Variants in ASB18 observed in about 807,000 individuals in gnomAD.
The protein encoded by ASB18 is ankyrin repeat and SOCS box protein 18.
Under a neutral mutation model 33.4 loss-of-function variants are expected in ASB18, and 33 were observed. The ratio of observed to expected loss-of-function variants is 0.99; its 90% confidence interval spans 0.75 to 1.32. ASB18 has a LOEUF of 1.32. Ranked by LOEUF, ASB18 falls within the 40% of genes most tolerant of loss-of-function variation. The pLI is 0.00. For synonymous variants in ASB18, 295 were observed against 307.6 expected, an observed-to-expected ratio of 0.96 and a Z score of 0.43; for missense variants, 694 against 655.5, an observed-to-expected ratio of 1.06 and a Z score of -0.64.
rs1305776129 is a variant in ASB18, at chr2:236,223,986, A to G, written c.597-9120T>C. On this transcript the variant is annotated intron_variant, in intron 3 of 5. Coordinates refer to ENST00000409749, the MANE Select transcript of ASB18 (RefSeq NM_212556.4). This position sits in a 1 kb window ranked among gnomAD's most constrained non-coding sequence, Gnocchi z 4.6. ...ACTATTATAAATAAAGCTTCTATGA[A>G]CGTTTTTGTATAAGTCTTCCTGGGG... Among the ~76,000 whole-genome samples, 1 of 152,124 alleles carries G rather than the reference A, an allele frequency of 6.6e-6. No individual in the cohort carries two copies. Among genetic ancestry groups the G allele is most frequent in the Non-Finnish European group, 1.5e-5 (1 of 68,020 alleles).
Position 236,259,674 on chromosome 2 carries a change from C to T in ASB18, c.205+4467G>A. 2 of 448,290 alleles carry T rather than the reference C, an allele frequency of 4.5e-6. No individual in the cohort carries two copies. Among genetic ancestry groups the T allele is most frequent in the Non-Finnish European group, 9.4e-6 (2 of 213,472 alleles). 27.8% of individuals were successfully genotyped at this position (448,290 alleles called of 1,614,324 possible). On this transcript the variant is annotated intron_variant, in intron 1 of 5. Transcript: ENST00000409749. This position sits in a 1 kb window ranked among gnomAD's most constrained non-coding sequence, Gnocchi z 4.4. ...GATGCTGACTGTAGAGCGTGGGGGGCTCAGCCTCAGTGAGCCCAGCAGGAT... is the reference window on the plus strand; with the variant it reads ...GATGCTGACTGTAGAGCGTGGGGGGTTCAGCCTCAGTGAGCCCAGCAGGAT...
intron 1 of ASB18, among the ~76,000 whole-genome samples, chr2:236,242,363 G>A (rs1402903261): frequency 6.6e-6 from 1 of 152,186 alleles, no homozygotes; most frequent in Non-Finnish European, 1.5e-5. Context: ...GGCGGTGCCA[G>A]GTAGCAGGAC....
rs1318984772 is a variant in ASB18, at chr2:236,248,409, A to G, written c.206-7007T>C. On this transcript the variant is annotated intron_variant, in intron 1 of 5. Coordinates refer to ENST00000409749, the MANE Select transcript of ASB18 (RefSeq NM_212556.4). This position sits in a 1 kb window ranked among gnomAD's most constrained non-coding sequence, Gnocchi z 4.9. ...GGAGTTTGAGATCAGCCTGGCCAAC[A>G]TAGTGAAACCCTGTCTCTACTAAAA... 2.0e-5 allele frequency: 3 copies of G among 152,158 alleles called. No individual in the cohort carries two copies. Among genetic ancestry groups the G allele is most frequent in the Non-Finnish European group, 4.4e-5 (3 of 68,082 alleles). The allele number at this position is 152,158 out of a possible 1,614,324, so 9.4% of individuals were successfully genotyped here. A position where few individuals can be genotyped will look rare whatever the true frequency, so the allele number is the denominator to read the frequency against.
In ASB18 at chr2:236,237,987, G is replaced by A. The variant is rs765329123; in HGVS notation, c.329-31C>T. On this transcript the variant is annotated intron_variant, in intron 2 of 5. Coordinates refer to ENST00000409749, the MANE Select transcript of ASB18 (RefSeq NM_212556.4). The surrounding 1 kb of genome is among the most constrained non-coding windows in gnomAD (Gnocchi z 6.2). ...GGGAGGGAGGTGGGATGTAAGGTCAGGGGGAGGTTAGTTGTGGTGGTGGTG... is the reference window on the plus strand; with the variant it reads ...GGGAGGGAGGTGGGATGTAAGGTCAAGGGGAGGTTAGTTGTGGTGGTGGTG... 3 of 1,452,818 alleles carry A rather than the reference G, an allele frequency of 2.1e-6. No homozygotes were observed. Among genetic ancestry groups the A allele is most frequent in the Non-Finnish European group, 2.7e-6 (3 of 1,111,362 alleles). 90.0% of individuals were successfully genotyped at this position (1,452,818 alleles called of 1,614,324 possible). A position where few individuals can be genotyped will look rare whatever the true frequency, so the allele number is the denominator to read the frequency against.
Position 236,204,001 on chromosome 2 carries a change from G to A in ASB18, c.1102-7616C>T, listed in dbSNP as rs1445414211. ...GAAGAAGATGTGTCCATCTAGGGGA[G>A]AGATGGTGGTGGCCTCACCTCAGGT... On this transcript the variant is annotated intron_variant, in intron 4 of 5. Coordinates refer to ENST00000409749, the MANE Select transcript of ASB18 (RefSeq NM_212556.4). The surrounding 1 kb of genome is among the most constrained non-coding windows in gnomAD (Gnocchi z 5.1). Among the ~76,000 whole-genome samples the A allele has an allele frequency of 6.6e-6, 1 of 152,234 alleles. No individual in the cohort carries two copies. The highest frequency in any genetic ancestry group is 1.5e-5 in the Non-Finnish European group (1 of 68,040).
chr2:236,201,048 T>C (rs1174688293), intron 4 of ASB18, among the ~76,000 whole-genome samples: 1 of 152,196 alleles, frequency 6.6e-6, no homozygotes, highest in Non-Finnish European at 1.5e-5. Context: ...TTCAAAATGG[T>C]ATAAATTTCC....
At chr2:236,218,797 C>CAAAA (rs574423455) in intron 3 of ASB18, among the ~76,000 whole-genome samples, 3 of 91,574 alleles carry the variant, frequency 3.3e-5, no homozygotes, top group Non-Finnish European at 4.8e-5. Context: ...GACTCCATCT[C>CAAAA]AAAAAAAAAA....
chr2:236,262,471 C>T lies in ASB18; in HGVS notation c.205+1670G>A, dbSNP rs185219267. On this transcript the variant is annotated intron_variant, in intron 1 of 5. Coordinates refer to ENST00000409749, the MANE Select transcript of ASB18 (RefSeq NM_212556.4). The surrounding 1 kb of genome is among the most constrained non-coding windows in gnomAD (Gnocchi z 5.2). ...AGAAGGAGGCTGCTAAACCCAGCAG[C>T]GATCTGGCAGGGAGGGCCGGGGAAG... is the stretch of plus-strand genomic sequence containing the variant. Among the ~76,000 whole-genome samples the T allele has an allele frequency of 3.9e-5, 6 of 152,188 alleles. No individual in the cohort carries two copies. Among genetic ancestry groups the T allele is most frequent in the African/African-American group, 9.6e-5 (4 of 41,458 alleles).
chr2:236,218,811 A>G (rs1042630723), intron 3 of ASB18, among the ~76,000 whole-genome samples: 236 of 151,438 alleles, frequency 1.6e-3, no homozygotes, highest in Admixed American at 4.9e-3. Context: ...AAAAAAAAAA[A>G]AAAAAGAAAA....
chr2:236,256,999 G>T lies in ASB18; in HGVS notation c.205+7142C>A, dbSNP rs922729931. On this transcript the variant is annotated intron_variant, in intron 1 of 5. Transcript: ENST00000409749. This position sits in a 1 kb window ranked among gnomAD's most constrained non-coding sequence, Gnocchi z 4.7. ...AGAGGGCTGCTGCAGCAGCCATTTT[G>T]TTCCTAAATAATTCAACTATATTCA... is the stretch of plus-strand genomic sequence containing the variant. 6.6e-6 allele frequency among the ~76,000 whole-genome samples: 1 copy of T among 152,292 alleles called. No individual in the cohort carries two copies. The highest frequency in any genetic ancestry group is 2.4e-5 in the African/African-American group (1 of 41,566).
intron 3 of ASB18, among the ~76,000 whole-genome samples, chr2:236,232,575 C>G (rs1188557406): frequency 6.6e-6 from 1 of 151,902 alleles, no homozygotes; most frequent in East Asian, 1.9e-4. Flanking sequence ...GAAAAGAAGA[C>G]AAATTCTAGT....
intron 1 of ASB18, chr2:236,254,024 C>T (rs1051339854): frequency 6.6e-6 from 1 of 151,994 alleles, no homozygotes; most frequent in African/African-American, 2.4e-5. Context: ...CAGGAGTCAC[C>T]AAACTTTTTC....
chr2:236,206,415 G>A (rs950008653), intron 4 of ASB18, among the ~76,000 whole-genome samples: 2 of 152,064 alleles, frequency 1.3e-5, no homozygotes, highest in East Asian at 1.9e-4. Context: ...ACAAGGAAAC[G>A]GGCCCATTGT....
rs2060725945 is a variant in ASB18 at position 236,262,875 on chromosome 2, C to T, written c.205+1266G>A. Among the ~76,000 whole-genome samples, 1 of 56,618 alleles carries T rather than the reference C, an allele frequency of 1.8e-5. No individual in the cohort carries two copies. Among genetic ancestry groups the T allele is most frequent in the African/African-American group, 6.5e-5 (1 of 15,276 alleles). 37.1% of individuals were successfully genotyped at this position (56,618 alleles called of 152,430 possible). Reference sequence around the variant, plus strand: ...CTGAAAGGCAGCCCAGAAAGTAGACCCAAACCAAGGGGGGGGGGCGGACCC... The same window carrying T: ...CTGAAAGGCAGCCCAGAAAGTAGACTCAAACCAAGGGGGGGGGGCGGACCC... On this transcript the variant is annotated intron_variant, in intron 1 of 5. Coordinates refer to ENST00000409749, the MANE Select transcript of ASB18 (RefSeq NM_212556.4). This position sits in a 1 kb window ranked among gnomAD's most constrained non-coding sequence, Gnocchi z 5.2.
chr2:236,257,151 C>T lies in ASB18; in HGVS notation c.205+6990G>A, dbSNP rs1322483895. Among the ~76,000 whole-genome samples, 1 of 152,138 alleles carries T rather than the reference C, an allele frequency of 6.6e-6. No homozygotes were observed. Among genetic ancestry groups the T allele is most frequent in the Non-Finnish European group, 1.5e-5 (1 of 68,034 alleles). On this transcript the variant is annotated intron_variant, in intron 1 of 5. Coordinates refer to ENST00000409749, the MANE Select transcript of ASB18 (RefSeq NM_212556.4). The surrounding 1 kb of genome is among the most constrained non-coding windows in gnomAD (Gnocchi z 5.5). ...ACTTTAGCAAGAATTTTGCAATCAG[C>T]GTTAATTAAGAAGATGGGACAATAA...
rs2060373094 is a variant in ASB18, at chr2:236,196,260, C to G, written c.1215+12G>C. 1 of 1,453,410 alleles carries G rather than the reference C, an allele frequency of 6.9e-7. No homozygotes were observed. The highest frequency in any genetic ancestry group is 1.4e-5 in the African/African-American group (1 of 70,940). The allele number at this position is 1,453,410 out of a possible 1,614,324, so 90.0% of individuals were successfully genotyped here. A position where few individuals can be genotyped will look rare whatever the true frequency, so the allele number is the denominator to read the frequency against. On this transcript the variant is annotated intron_variant, in intron 5 of 5. Coordinates refer to ENST00000409749, the MANE Select transcript of ASB18 (RefSeq NM_212556.4). This position sits in a 1 kb window ranked among gnomAD's most constrained non-coding sequence, Gnocchi z 5.6. ...TTTGTACTAAAGATGGGCAGAAAGG[C>G]AGCCCTCTTGCCTGGAATACTTCCT...
intron 4 of ASB18, among the ~76,000 whole-genome samples, chr2:236,207,838 G>A (rs62190965): frequency 1.4e-5 from 2 of 138,662 alleles, no homozygotes; most frequent in South Asian, 4.5e-4. Flanking sequence ...TTTTTTTTTG[G>A]TAATGTCTGC....
At position 236,257,580 on chromosome 2, in the gene ASB18, T is replaced by A. The variant is rs1243508455; in HGVS notation, c.205+6561A>T. On this transcript the variant is annotated intron_variant, in intron 1 of 5. Transcript: ENST00000409749. The surrounding 1 kb of genome is among the most constrained non-coding windows in gnomAD (Gnocchi z 5.5). ...TACATATGCATATGTATGCTTCATGTCAGATTAAAGGGTTGTAGACAGCTT... is the reference window on the plus strand; with the variant it reads ...TACATATGCATATGTATGCTTCATGACAGATTAAAGGGTTGTAGACAGCTT... Among the ~76,000 whole-genome samples the A allele has an allele frequency of 6.6e-6, 1 of 152,210 alleles. No homozygotes were observed. The highest frequency in any genetic ancestry group is 1.5e-5 in the Non-Finnish European group (1 of 68,034).
chr2:236,196,153 T>G lies in ASB18; in HGVS notation c.1215+119A>C. The G allele has an allele frequency of 2.8e-6, 2 of 714,910 alleles. No individual in the cohort carries two copies. The highest frequency in any genetic ancestry group is 5.2e-6 in the Non-Finnish European group (2 of 384,784). The allele number at this position is 714,910 out of a possible 1,614,324, so 44.3% of individuals were successfully genotyped here. A position where few individuals can be genotyped will look rare whatever the true frequency, so the allele number is the denominator to read the frequency against. ...CGTGCAAATACACCCTCATTTCCCA[T>G]TCTTCCTTTTTCAGATGTATAATAC... is the stretch of plus-strand genomic sequence containing the variant. On this transcript the variant is annotated intron_variant, in intron 5 of 5. Coordinates refer to ENST00000409749, the MANE Select transcript of ASB18 (RefSeq NM_212556.4). This position sits in a 1 kb window ranked among gnomAD's most constrained non-coding sequence, Gnocchi z 5.6.
Sources: allele counts gnomAD v4.1 joint callset (sites outside exome capture counted in the v4.1 genomes callset), GRCh38; gene constraint gnomAD v4.1.1; non-coding constraint Gnocchi (gnomAD v3.1); transcripts MANE v1.5; gene names NCBI Gene and HGNC (gene_info 2026-07-23, HGNC 2026-07-21).